The following C11orf54 variants were observed in gnomAD, a reference collection of about 807,000 sequenced individuals.
C11orf54 encodes beta-keto-L-gulonate decarboxylase.
In C11orf54, 29 loss-of-function variants were observed where a neutral mutation model predicts 35.5. That is an observed-to-expected ratio of 0.82 (90% confidence interval 0.61 to 1.11). C11orf54 has a LOEUF of 1.11. Among genes scored for constraint, C11orf54 ranks in the 50% most tolerant of loss-of-function variants. The pLI, the probability that C11orf54 is intolerant of heterozygous loss-of-function variation, is 0.00. For missense variants in C11orf54, 373 were observed against 369.2 expected (o/e 1.01, Z -0.08); for synonymous variants, 108 against 121.1 (o/e 0.89, Z 0.71).
At chr11:93,757,488 A>T in intron 7 of C11orf54, 23 bp downstream of exon 7, 1 of 1,588,598 alleles carries the variant, frequency 6.3e-7, no homozygotes, top group South Asian at 1.1e-5. Context: ...GTGTGCATAC[A>T]TGCATGAAGG....
chr11:93,750,216 A>G, intron 2 of C11orf54, 130 bp from the exon 3 acceptor site: 2 of 639,104 alleles, frequency 3.1e-6, no homozygotes, highest in East Asian at 2.7e-5. Flanking sequence ...CATTAATAAG[A>G]CCATTTCCCC....
chr11:93,753,862 G>T, intron 4 of C11orf54, 74 bp from the exon 5 acceptor site: 3 of 1,525,730 alleles, frequency 2.0e-6, no homozygotes, highest in Non-Finnish European at 2.7e-6. Context: ...AAGTGCTAAT[G>T]GATCAGTAAT....
At chr11:93,743,202 T>C (rs1942234683) in intron 1 of C11orf54, among the ~76,000 whole-genome samples, 2 of 152,090 alleles carry the variant, frequency 1.3e-5, no homozygotes, top group Admixed American at 6.6e-5. Flanking sequence ...GGTTTCACCA[T>C]GTTGGCCAGG....
intron 3 of C11orf54, 88 bp from the exon 4 acceptor site, chr11:93,753,594 G>A (rs1055826179): frequency 3.3e-5 from 37 of 1,136,014 alleles, no homozygotes; most frequent in Admixed American, 1.0e-4. Flanking sequence ...TAATGGAGAA[G>A]TTATATACTG....
At chr11:93,744,520 AAGTT>A (rs1429424578) in intron 1 of C11orf54, among the ~76,000 whole-genome samples, 2 of 152,264 alleles carry the variant, frequency 1.3e-5, no homozygotes, top group Admixed American at 6.5e-5. Flanking sequence ...GTTCATAAAT[AAGTT>A]AGTACCCAAT....
chr11:93,741,859 G>A (rs780773637), intron 1 of C11orf54, 131 bp downstream of exon 1: 3 of 219,800 alleles, frequency 1.4e-5, no homozygotes, highest in African/African-American at 2.4e-5. Flanking sequence ...CGTTTGCTGA[G>A]CTGTCGCCTG....
intron 6 of C11orf54, among the ~76,000 whole-genome samples, chr11:93,756,241 G>T (rs1400586404): frequency 1.7e-4 from 25 of 146,798 alleles, no homozygotes; most frequent in African/African-American, 5.8e-4. Context: ...AGTCCTTTGA[G>T]AGGCCAAAGC....
chr11:93,743,455 G>A (rs1942266501), intron 1 of C11orf54, among the ~76,000 whole-genome samples: 1 of 152,182 alleles, frequency 6.6e-6, no homozygotes, highest in African/African-American at 2.4e-5. Context: ...AACTCCTCGC[G>A]GGAGGGGGGG....
At chr11:93,751,532 G>A (rs1478726183) in intron 3 of C11orf54, among the ~76,000 whole-genome samples, 1 of 150,740 alleles carries the variant, frequency 6.6e-6, no homozygotes, top group Non-Finnish European at 1.5e-5. Context: ...AGCCTCCTGA[G>A]TAGCTGAGAC....
chr11:93,755,646 G>C (rs1175140571), intron 6 of C11orf54, among the ~76,000 whole-genome samples: 1 of 151,656 alleles, frequency 6.6e-6, no homozygotes, highest in African/African-American at 2.4e-5. Context: ...CAGCTACTCG[G>C]GGGGGCTGAG....
At chr11:93,753,003 CAG>C (rs1379377388) in intron 3 of C11orf54, among the ~76,000 whole-genome samples, 12 of 152,218 alleles carry the variant, frequency 7.9e-5, no homozygotes, top group Non-Finnish European at 1.6e-4. Context: ...TTTTTTGAGA[CAG>C]AGTCTTGCTC....
At chr11:93,748,450 AT>A (rs1942605166) in intron 2 of C11orf54, among the ~76,000 whole-genome samples, 1 of 151,734 alleles carries the variant, frequency 6.6e-6, no homozygotes, top group South Asian at 2.1e-4. Flanking sequence ...GCTTGGCCAG[AT>A]TTTTTCTTTG....
chr11:93,747,551 A>ATATCTTACT (rs5793654), intron 2 of C11orf54, 103 bp downstream of exon 2: 402,829 of 657,782 alleles, frequency 0.61, 126,864 homozygotes, highest in Admixed American at 0.72. Context: ...ATGTATATCT[A>ATATCTTACT]TATCTTACTT....
chr11:93,755,259 G>A lies in C11orf54; in HGVS notation c.380G>A (p.Gly127Glu). 2 of 1,614,070 alleles carry A rather than the reference G, an allele frequency of 1.2e-6. No homozygotes were observed. Among genetic ancestry groups the A allele is most frequent in the Non-Finnish European group, 1.7e-6 (2 of 1,180,004 alleles). Residue 127 changes from glycine (G) to glutamate (E), a missense_variant, in exon 6 of 9, where the codon GGA becomes GAA. Gly to Glu is a moderately conservative substitution (Grantham distance 98). Transcript: ENST00000354421. ...AGTGAACACAAGCCTCCTGTAAATGGAAGTTACTTTGCCCATGTGAACCCT... is the reference window on the plus strand; with the variant it reads ...AGTGAACACAAGCCTCCTGTAAATGAAAGTTACTTTGCCCATGTGAACCCT... The part of the protein sequence containing the change: ...TESEHKPPVN[G>E]SYFAHVNPAD...
intron 3 of C11orf54, among the ~76,000 whole-genome samples, chr11:93,752,719 T>G (rs1244244858): frequency 2.0e-5 from 3 of 151,986 alleles, no homozygotes; most frequent in African/African-American, 7.2e-5. Context: ...ACTTTGAAAT[T>G]TGTACATCTC....
At chr11:93,741,895 G>T (rs973583147) in intron 1 of C11orf54, 167 bp downstream of exon 1, 13 of 212,476 alleles carry the variant, frequency 6.1e-5, no homozygotes, top group Non-Finnish European at 9.7e-6. Context: ...TCCCGGGTGT[G>T]TGGCGAGGGT....
intron 1 of C11orf54, among the ~76,000 whole-genome samples, chr11:93,745,330 C>T (rs961529983): frequency 4.6e-5 from 7 of 152,172 alleles, no homozygotes; most frequent in Non-Finnish European, 8.8e-5. Flanking sequence ...ACAATACCCA[C>T]GCTTTCTTGG....
Position 93,757,473 on chromosome 11 carries a change from C to T in C11orf54, c.657+8C>T. On this transcript the variant is annotated splice_region_variant and intron_variant, in intron 7 of 8. Coordinates refer to ENST00000354421, the MANE Select transcript of C11orf54 (RefSeq NM_001286069.2). ...GTGAAGTCTCACATTATGGTAAGAG[C>T]CCATGTGTGCATACATGCATGAAGG... The T allele has an allele frequency of 6.3e-7, 1 of 1,595,700 alleles. No homozygotes were observed. The highest frequency in any genetic ancestry group is 1.1e-5 in the South Asian group (1 of 90,896).
chr11:93,753,600 T>C, intron 3 of C11orf54, 82 bp from the exon 4 acceptor site: 4 of 1,202,680 alleles, frequency 3.3e-6, no homozygotes, highest in Non-Finnish European at 4.8e-6. Context: ...AGAAGTTATA[T>C]ACTGTTGGCA....
Sources: gnomAD v4.1 joint callset for allele counts (sites outside exome capture counted in the v4.1 genomes callset) on GRCh38, gnomAD v4.1.1 for gene constraint, MANE v1.5 for transcripts, NCBI Gene and HGNC (gene_info 2026-07-23, HGNC 2026-07-21) for gene names.